The following PTCHD4 variants were observed in gnomAD, a reference collection of about 807,000 sequenced individuals.
PTCHD4 encodes patched domain containing 4.
PTCHD4 carries 33 observed loss-of-function variants against 58.1 expected under a neutral mutation model. The ratio of observed to expected loss-of-function variants is 0.57; its 90% CI spans 0.43 to 0.76. The LOEUF (loss-of-function observed/expected upper bound fraction) is 0.76, where lower values mean the gene tolerates loss of function less well. PTCHD4 is among the 30% of genes least tolerant of loss of function. PTCHD4 has a pLI of 0.00. For synonymous variants in PTCHD4, 478 were observed against 409.6 expected, an observed-to-expected ratio of 1.17 and a Z score of -2.02; for missense variants, 1,058 against 1,027.1, an observed-to-expected ratio of 1.03 and a Z score of -0.41.
At chr6:47,912,843 T>G (rs558551467) in intron 4 of PTCHD4, among the ~76,000 whole-genome samples, 35 of 152,258 alleles carry the variant, frequency 2.3e-4, no homozygotes, top group African/African-American at 7.9e-4. Flanking sequence ...TGAATTTCAG[T>G]GGAAATGCTG....
chr6:48,000,288 G>T (rs1768670861), intron 4 of PTCHD4, among the ~76,000 whole-genome samples: 1 of 152,092 alleles, frequency 6.6e-6, no homozygotes, highest in Non-Finnish European at 1.5e-5. Context: ...AGCTGACCCT[G>T]ACCCGCACAA....
rs1158436148 is a variant in PTCHD4 at position 47,871,942 on chromosome 6, A to G, written c.*6361T>C. On this transcript the variant is annotated 3_prime_UTR_variant, in exon 5 of 5. Transcript: ENST00000339488. The stretch of plus-strand genomic sequence containing the variant: ...AGTTTGTAGCACATTTATGTTTGTG[A>G]AGAAAAGATGCCAGAATTCCCTTAT... 6.6e-6 allele frequency among the ~76,000 whole-genome samples: 1 copy of G among 151,638 alleles called. No homozygotes were observed. Among genetic ancestry groups the G allele is most frequent in the East Asian group, 1.9e-4 (1 of 5,150 alleles).
chr6:48,106,967 A>G (rs1042871525), intron 1 of PTCHD4, among the ~76,000 whole-genome samples: 4 of 152,226 alleles, frequency 2.6e-5, no homozygotes, highest in African/African-American at 9.7e-5. Flanking sequence ...AAACAAATGG[A>G]AGAACATTCC....
At chr6:48,065,894 T>C (rs868414741) in intron 3 of PTCHD4, among the ~76,000 whole-genome samples, 1 of 152,214 alleles carries the variant, frequency 6.6e-6, no homozygotes, top group Non-Finnish European at 1.5e-5. Context: ...TTTTATGCTA[T>C]TATGATATTA....
chr6:48,038,496 C>T (rs575405285), intron 3 of PTCHD4, among the ~76,000 whole-genome samples: 30 of 151,508 alleles, frequency 2.0e-4, no homozygotes, highest in Non-Finnish European at 1.5e-4. Flanking sequence ...AAAAAATTAG[C>T]TAGGTGTGGT....
At chr6:48,051,435 G>A (rs1764231496) in intron 3 of PTCHD4, among the ~76,000 whole-genome samples, 1 of 151,930 alleles carries the variant, frequency 6.6e-6, no homozygotes, top group South Asian at 2.1e-4. Flanking sequence ...TGCTTGTTAA[G>A]TAGTCCCACA....
intron 1 of PTCHD4, among the ~76,000 whole-genome samples, chr6:48,107,487 CA>C (rs1562052526): frequency 6.6e-6 from 1 of 152,014 alleles, no homozygotes; most frequent in African/African-American, 2.4e-5. Flanking sequence ...GACCTAAAAC[CA>C]TAAAAACCCT....
At position 47,857,468 on chromosome 6, in the gene PTCHD4, T is replaced by TA. The variant is rs1763332070; in HGVS notation, c.*20834dup. On this transcript the variant is annotated 3_prime_UTR_variant, in exon 5 of 5. Transcript: ENST00000339488. ...TCCTGATCATGTCCTTTTGGCAAGA[T>TA]AAAAAACTAACCCTTGGGTTCAAAC... 1.3e-5 allele frequency among the ~76,000 whole-genome samples: 2 copies of TA among 152,034 alleles called. No homozygotes were observed. Among genetic ancestry groups the TA allele is most frequent in the African/African-American group, 2.4e-5 (1 of 41,432 alleles).
chr6:48,068,934 C>T lies in PTCHD4; in HGVS notation c.5+19G>A, dbSNP rs2113881365. ...CCCGGTCTCCCCGCGCCCTCGCCGCCTCCCGCGCTGGCTCTCACCGCATGA... is the reference window on the plus strand; with the variant it reads ...CCCGGTCTCCCCGCGCCCTCGCCGCTTCCCGCGCTGGCTCTCACCGCATGA... On this transcript the variant is annotated intron_variant, in intron 2 of 4. Coordinates refer to ENST00000339488, the MANE Select transcript of PTCHD4 (RefSeq NM_001384253.1). The surrounding 1 kb of genome is among the most constrained non-coding windows in gnomAD (Gnocchi z 4.2). Among the ~76,000 whole-genome samples the T allele has an allele frequency of 6.6e-6, 1 of 151,800 alleles. No homozygotes were observed. Among genetic ancestry groups the T allele is most frequent in the Admixed American group, 6.6e-5 (1 of 15,258 alleles).
At chr6:48,061,687 C>G (rs548373699) in intron 3 of PTCHD4, among the ~76,000 whole-genome samples, 1 of 152,164 alleles carries the variant, frequency 6.6e-6, no homozygotes, top group Non-Finnish European at 1.5e-5. Context: ...CTTTGAGGAG[C>G]AAGGTCTTAG....
intron 3 of PTCHD4, among the ~76,000 whole-genome samples, chr6:48,060,819 G>T (rs1052526733): frequency 1.3e-5 from 2 of 152,180 alleles, no homozygotes; most frequent in Non-Finnish European, 2.9e-5. Context: ...TCCCAGGTGA[G>T]GTCTCTCCAT....
chr6:48,107,473 G>T (rs1394750895), intron 1 of PTCHD4, among the ~76,000 whole-genome samples: 1 of 152,260 alleles, frequency 6.6e-6, no homozygotes, highest in Non-Finnish European at 1.5e-5. Flanking sequence ...AGACTTAAAT[G>T]TTAGACCTAA....
At chr6:48,029,400 A>G (rs959193096) in intron 3 of PTCHD4, among the ~76,000 whole-genome samples, 5 of 152,088 alleles carry the variant, frequency 3.3e-5, no homozygotes, top group Non-Finnish European at 7.4e-5. Flanking sequence ...TAATGAAAAA[A>G]CTGATGGATT....
chr6:47,967,652 TG>T (rs1170307603), intron 4 of PTCHD4, among the ~76,000 whole-genome samples: 2 of 152,226 alleles, frequency 1.3e-5, no homozygotes, highest in Admixed American at 6.5e-5. Context: ...CCAGATTTTC[TG>T]GATAACTTGC....
rs1316000255 is a variant in PTCHD4, at chr6:47,881,442, G to C, written c.899-1506C>G. Among the ~76,000 whole-genome samples, 3 of 152,164 alleles carry C rather than the reference G, an allele frequency of 2.0e-5. No individual in the cohort carries two copies. In the East Asian group the frequency reaches 5.8e-4, roughly 29 times the overall value. On this transcript the variant is annotated intron_variant, in intron 4 of 4. Transcript: ENST00000339488. ...AACTGAAGGTCATCTAAGGATGCTTGTTAGAAAACCAGAGGGCATTTTGTT... is the reference window on the plus strand; with the variant it reads ...AACTGAAGGTCATCTAAGGATGCTTCTTAGAAAACCAGAGGGCATTTTGTT...
chr6:47,967,447 G>A (rs1767335851), intron 4 of PTCHD4, among the ~76,000 whole-genome samples: 1 of 152,132 alleles, frequency 6.6e-6, no homozygotes. Flanking sequence ...AATGAGCATT[G>A]GCTTCAATTT....
chr6:47,927,778 T>A (rs1388571014), intron 4 of PTCHD4, among the ~76,000 whole-genome samples: 5 of 151,740 alleles, frequency 3.3e-5, no homozygotes, highest in East Asian at 1.9e-4. Context: ...TTATTTATTT[T>A]TTCATTATTA....
At chr6:48,055,583 C>A (rs1411577300) in intron 3 of PTCHD4, among the ~76,000 whole-genome samples, 1 of 152,118 alleles carries the variant, frequency 6.6e-6, no homozygotes, top group Admixed American at 6.5e-5. Context: ...GAATCCAATT[C>A]CTTAAAAACA....
rs1763809991 is a variant in PTCHD4, at chr6:47,874,969, G to A, written c.*3334C>T. Among the ~76,000 whole-genome samples the A allele has an allele frequency of 6.6e-6, 1 of 151,768 alleles. No homozygotes were observed. Among genetic ancestry groups the A allele is most frequent in the South Asian group, 2.1e-4 (1 of 4,826 alleles). On this transcript the variant is annotated 3_prime_UTR_variant, in exon 5 of 5. Transcript: ENST00000339488. ...CTGTAATTTAGGTGAGTACCTCTTT[G>A]AAGTTTATTAACATCAAAGAGAGTG...
Sources: gnomAD v4.1 joint callset for allele counts (sites outside exome capture counted in the v4.1 genomes callset) on GRCh38, gnomAD v4.1.1 for gene constraint, Gnocchi (gnomAD v3.1) non-coding constraint, MANE v1.5 for transcripts, NCBI Gene and HGNC (gene_info 2026-07-23, HGNC 2026-07-21) for gene names.